The following LRRIQ1 variants were observed in gnomAD, a reference collection of about 807,000 sequenced individuals.
The protein encoded by LRRIQ1 is leucine rich repeats and IQ motif containing 1, also known as leucine-rich repeat- and IQ domain-containing protein 1.
A neutral mutation model predicts 211.9 loss-of-function variants in LRRIQ1; 210 were observed. The ratio of observed to expected loss-of-function variants is 0.99; its 90% CI spans 0.89 to 1.11. The LOEUF (loss-of-function observed/expected upper bound fraction) is 1.11, where lower values mean the gene tolerates loss of function less well. Ranked by LOEUF, LRRIQ1 falls within the 50% of genes most tolerant of loss-of-function variation. LRRIQ1 has a pLI of 0.00. For synonymous variants in LRRIQ1, 699 were observed against 650.1 expected, an observed-to-expected ratio of 1.08 and a Z score of -1.14; for missense variants, 2,136 against 1,939.5, an observed-to-expected ratio of 1.10 and a Z score of -1.90.
At chr12:85,118,134 C>T (rs1317086302) in intron 15 of LRRIQ1, among the ~76,000 whole-genome samples, 1 of 152,094 alleles carries the variant, frequency 6.6e-6, no homozygotes, top group Non-Finnish European at 1.5e-5. Flanking sequence ...AACATTCTGC[C>T]TTTGAACCAT....
chr12:85,038,762 C>G (rs921063340), intron 2 of LRRIQ1, among the ~76,000 whole-genome samples: 1 of 151,452 alleles, frequency 6.6e-6, no homozygotes, highest in African/African-American at 2.4e-5. Flanking sequence ...ATTTGAAAAT[C>G]TCCTGCACAT....
At chr12:85,216,103 T>C (rs761507319) in intron 24 of LRRIQ1, among the ~76,000 whole-genome samples, 4 of 152,200 alleles carry the variant, frequency 2.6e-5, no homozygotes, top group Admixed American at 6.5e-5. Context: ...ACACATGCCG[T>C]GGTGGTTTGC....
At chr12:85,198,115 A>AATATATAATATATATT (rs1182211279) in intron 24 of LRRIQ1, among the ~76,000 whole-genome samples, 5 of 119,678 alleles carry the variant, frequency 4.2e-5, no homozygotes, top group Non-Finnish European at 4.9e-5. Context: ...ATTTATATAT[A>AATATATAATATATATT]ATATATAATA....
Position 85,111,362 on chromosome 12 carries a change from T to C in LRRIQ1, c.3377+4747T>C, listed in dbSNP as rs565784200. On this transcript the variant is annotated intron_variant, in intron 15 of 26. Transcript: ENST00000393217. ...GGTTCCATTCATGTAACTGGTCATA[T>C]CACCAAACCTACTGCACGAGAGGCT... 2.6e-5 allele frequency among the ~76,000 whole-genome samples: 4 copies of C among 152,198 alleles called. No homozygotes were observed. The East Asian group carries it at 7.7e-4, about 29-fold the overall frequency.
chr12:85,084,890 C>T (rs1412828723), intron 11 of LRRIQ1, among the ~76,000 whole-genome samples: 1 of 150,556 alleles, frequency 6.6e-6, no homozygotes, highest in Non-Finnish European at 1.5e-5. Context: ...CGCGCCACTG[C>T]ACTCCAGCCT....
At position 85,243,446 on chromosome 12, in the gene LRRIQ1, G is replaced by A. The variant is rs377289340; in HGVS notation, c.5017-1343G>A. The stretch of plus-strand genomic sequence containing the variant: ...TTTTATTTTAATGTTTTCTACCGAG[G>A]TTTTTTGACAATGTCATTATATTAC... On this transcript the variant is annotated intron_variant, in intron 26 of 26. Transcript: ENST00000393217. 2.4e-4 allele frequency among the ~76,000 whole-genome samples: 36 copies of A among 149,546 alleles called. 1 individual carries two copies. The South Asian group carries it at 6.7e-3, about 28-fold the overall frequency.
chr12:85,176,069 G>A (rs1358080862), intron 24 of LRRIQ1, among the ~76,000 whole-genome samples: 2 of 152,028 alleles, frequency 1.3e-5, no homozygotes, highest in African/African-American at 2.4e-5. Flanking sequence ...TGATGGGGAT[G>A]GCATTGAATC....
chr12:85,202,650 C>T (rs1893352978), intron 24 of LRRIQ1, among the ~76,000 whole-genome samples: 1 of 152,154 alleles, frequency 6.6e-6, no homozygotes, highest in Middle Eastern at 3.2e-3. Flanking sequence ...TTTTCTCCAT[C>T]TCTTTACTTT....
At chr12:85,116,930 C>T (rs941537165) in intron 15 of LRRIQ1, among the ~76,000 whole-genome samples, 3 of 151,078 alleles carry the variant, frequency 2.0e-5, no homozygotes, top group Non-Finnish European at 4.4e-5. Context: ...GTATATGTAC[C>T]ACATTTTCTT....
intron 18 of LRRIQ1, among the ~76,000 whole-genome samples, chr12:85,137,035 G>A (rs1012532654): frequency 6.6e-6 from 1 of 151,418 alleles, no homozygotes; most frequent in Non-Finnish European, 1.5e-5. Context: ...CCTGTTTTAT[G>A]CCTTTATAGG....
intron 24 of LRRIQ1, 89 bp from the exon 25 acceptor site, chr12:85,229,428 T>G (rs1272713080): frequency 1.2e-5 from 12 of 1,034,402 alleles, no homozygotes; most frequent in Non-Finnish European, 1.5e-5. Flanking sequence ...TTTTCTTTCT[T>G]GTGATAAAAT....
chr12:85,105,289 T>C (rs1335804981), intron 14 of LRRIQ1, among the ~76,000 whole-genome samples: 2 of 152,140 alleles, frequency 1.3e-5, no homozygotes, highest in Admixed American at 6.6e-5. Context: ...GATAATTTTC[T>C]GTGCTTTATT....
At chr12:85,146,249 A>C (rs1164517099) in intron 19 of LRRIQ1, among the ~76,000 whole-genome samples, 2 of 151,698 alleles carry the variant, frequency 1.3e-5, no homozygotes, top group Non-Finnish European at 2.9e-5. Context: ...TGTTGACTTA[A>C]CACTTAAAAG....
At chr12:85,168,754 A>G (rs1364602716) in intron 24 of LRRIQ1, among the ~76,000 whole-genome samples, 1 of 152,090 alleles carries the variant, frequency 6.6e-6, no homozygotes, top group African/African-American at 2.4e-5. Flanking sequence ...ATTGTCACCT[A>G]TTTTGTATTG....
intron 18 of LRRIQ1, among the ~76,000 whole-genome samples, chr12:85,132,957 T>C (rs1450429796): frequency 6.6e-6 from 1 of 151,834 alleles, no homozygotes; most frequent in Non-Finnish European, 1.5e-5. Flanking sequence ...ATGGGTAAGT[T>C]AAAAAGAGTA....
rs188199300 is a variant in LRRIQ1 at position 85,097,646 on chromosome 12, T to A, written c.2888-709T>A. Among the ~76,000 whole-genome samples the A allele has an allele frequency of 1.0e-3, 155 of 152,218 alleles. 1 individual carries two copies. The highest frequency in any genetic ancestry group is 4.8e-3 in the East Asian group (25 of 5,184). ...ACAGAGTAACACCTACAGAAAAAAA[T>A]GCATAGTCTAGTATCTAATTTAAAG... is the stretch of plus-strand genomic sequence containing the variant. On this transcript the variant is annotated intron_variant, in intron 11 of 26. Transcript: ENST00000393217.
chr12:85,241,394 T>C (rs543123513), intron 26 of LRRIQ1, among the ~76,000 whole-genome samples: 1 of 152,162 alleles, frequency 6.6e-6, no homozygotes, highest in Non-Finnish European at 1.5e-5. Flanking sequence ...GTATTATGAA[T>C]TTAGGAGTAT....
In LRRIQ1 at chr12:85,056,330, G is replaced by A. The variant is rs1881062996; in HGVS notation, c.1537G>A (p.Gly513Arg). 3.1e-6 allele frequency: 5 copies of A among 1,597,732 alleles called. No individual in the cohort carries two copies. The East Asian group carries it at 9.0e-5, about 29-fold the overall frequency. ...YENTDNKTEL[G>R]NSDLKGNLKE... is the part of the protein sequence containing the mutation. ...AAATACAGATAACAAAACTGAATTGGGAAACTCTGATCTAAAAGGAAATCT... is the reference window on the plus strand; with the variant it reads ...AAATACAGATAACAAAACTGAATTGAGAAACTCTGATCTAAAAGGAAATCT... Residue 513 changes from glycine to arginine, a missense_variant, in exon 8 of 27, where the codon GGA becomes AGA. Physicochemically the swap from Gly to Arg is moderately radical, Grantham distance 125 (BLOSUM62 -2). Transcript: ENST00000393217.
chr12:85,122,560 T>C (rs1888062981), intron 16 of LRRIQ1, among the ~76,000 whole-genome samples: 1 of 152,130 alleles, frequency 6.6e-6, no homozygotes, highest in African/African-American at 2.4e-5. Context: ...TCACTTACAA[T>C]GACTCTTCAT....
Sources: gnomAD v4.1 joint callset for allele counts (sites outside exome capture counted in the v4.1 genomes callset) on GRCh38, gnomAD v4.1.1 for gene constraint, MANE v1.5 for transcripts, NCBI Gene and HGNC (gene_info 2026-07-23, HGNC 2026-07-21) for gene names.